Variants in GTF2F2 observed in about 807,000 individuals in gnomAD.
GTF2F2 encodes the protein general transcription factor IIF subunit 2.
Under a neutral mutation model 42.2 loss-of-function variants are expected in GTF2F2, and 23 were observed. The observed-to-expected ratio is 0.55, with a 90% CI of 0.39 to 0.77. GTF2F2 has a LOEUF of 0.77. GTF2F2 is among the 30% of genes least tolerant of loss of function. The pLI is 0.00. For missense variants in GTF2F2, 261 were observed against 287.2 expected (o/e 0.91, Z 0.66); for synonymous variants, 105 against 100.8 (o/e 1.04, Z -0.25).
chr13:45,155,854 T>C (rs936692920), intron 4 of GTF2F2, among the ~76,000 whole-genome samples: 3 of 152,250 alleles, frequency 2.0e-5, no homozygotes, highest in African/African-American at 7.2e-5. Context: ...TACATTTCCC[T>C]GCCTTGGGTC....
chr13:45,234,513 GA>G (rs1399939505), intron 5 of GTF2F2, among the ~76,000 whole-genome samples: 1 of 151,908 alleles, frequency 6.6e-6, no homozygotes, highest in African/African-American at 2.4e-5. Flanking sequence ...GTATATTTAG[GA>G]AAAAAACTGG....
intron 5 of GTF2F2, among the ~76,000 whole-genome samples, chr13:45,244,777 T>C (rs1875502373): frequency 6.6e-6 from 1 of 152,202 alleles, no homozygotes; most frequent in Admixed American, 6.5e-5. Context: ...TTCAAGCGAT[T>C]CTCCTGCCTC....
chr13:45,276,532 G>A (rs941210694), intron 7 of GTF2F2, among the ~76,000 whole-genome samples: 1 of 151,918 alleles, frequency 6.6e-6, no homozygotes. Context: ...TGCCTCCCGA[G>A]TTCAAGTGAT....
chr13:45,150,857 T>A (rs961396152), intron 3 of GTF2F2, among the ~76,000 whole-genome samples: 1 of 152,062 alleles, frequency 6.6e-6, no homozygotes, highest in Non-Finnish European at 1.5e-5. Flanking sequence ...AAAAATAATC[T>A]TACTCCTGTT....
intron 4 of GTF2F2, among the ~76,000 whole-genome samples, chr13:45,205,467 A>G (rs1873375290): frequency 6.6e-6 from 1 of 152,230 alleles, no homozygotes; most frequent in Admixed American, 6.5e-5. Flanking sequence ...TGCAACATTA[A>G]TAAACGTGGA....
At chr13:45,235,620 C>T (rs1013472714) in intron 5 of GTF2F2, among the ~76,000 whole-genome samples, 12 of 151,622 alleles carry the variant, frequency 7.9e-5, no homozygotes, top group African/African-American at 9.7e-5. Flanking sequence ...GATAGAGTCC[C>T]GCTGTGTTGC....
intron 5 of GTF2F2, among the ~76,000 whole-genome samples, chr13:45,234,899 G>A (rs9595271): frequency 6.6e-6 from 1 of 151,920 alleles, no homozygotes. Flanking sequence ...TACAAAGTTA[G>A]CCGGGCATGG....
At chr13:45,276,844 G>T (rs553851079) in intron 7 of GTF2F2, among the ~76,000 whole-genome samples, 2 of 152,222 alleles carry the variant, frequency 1.3e-5, no homozygotes, top group Non-Finnish European at 2.9e-5. Context: ...GCATTTGTCA[G>T]TGCTGGATAG....
intron 1 of GTF2F2, among the ~76,000 whole-genome samples, chr13:45,132,149 T>C (rs983918544): frequency 1.3e-5 from 2 of 152,218 alleles, no homozygotes; most frequent in Admixed American, 6.5e-5. Context: ...TCTATTGGTA[T>C]ATAACCTATT....
At chr13:45,150,673 T>TTTTTTTTTTTC (rs1870444503) in intron 3 of GTF2F2, among the ~76,000 whole-genome samples, 1 of 148,626 alleles carries the variant, frequency 6.7e-6, no homozygotes, top group African/African-American at 2.5e-5. Context: ...TCTTTTTTTT[T>TTTTTTTTTTTC]TTTTGAGATG....
At chr13:45,123,791 ATTTTT>A (rs201828514) in intron 1 of GTF2F2, among the ~76,000 whole-genome samples, 1 of 136,054 alleles carries the variant, frequency 7.4e-6, no homozygotes, top group Admixed American at 7.4e-5. Flanking sequence ...GGAATTTTGA[ATTTTT>A]TTTTTTTTTT....
intron 5 of GTF2F2, among the ~76,000 whole-genome samples, chr13:45,216,411 T>A (rs1172009151): frequency 1.3e-5 from 2 of 152,184 alleles, no homozygotes; most frequent in Non-Finnish European, 2.9e-5. Context: ...CTCTTCTGCC[T>A]GGTCTCTTGT....
chr13:45,189,867 A>G (rs2138166689), intron 4 of GTF2F2, among the ~76,000 whole-genome samples: 1 of 152,262 alleles, frequency 6.6e-6, no homozygotes, highest in South Asian at 2.1e-4. Context: ...TATACTTTAA[A>G]AATGGTATTT....
intron 4 of GTF2F2, among the ~76,000 whole-genome samples, chr13:45,172,784 C>T (rs904207276): frequency 6.6e-6 from 1 of 152,176 alleles, no homozygotes; most frequent in Non-Finnish European, 1.5e-5. Flanking sequence ...ACTCTCAGTT[C>T]TATTCCATTG....
In GTF2F2 at chr13:45,137,466, C is replaced by T. The variant is rs151323849; in HGVS notation, c.140+660C>T. On this transcript the variant is annotated intron_variant, in intron 2 of 7. Transcript: ENST00000340473. ...AATTAGCTTTTGCTTCATAACAAAC[C>T]ATCCCAAAACTTAGTGGCTTAGAAC... Among the ~76,000 whole-genome samples, 28 of 151,916 alleles carry T rather than the reference C, an allele frequency of 1.8e-4. No homozygotes were observed. In the East Asian group the frequency reaches 4.8e-3, roughly 26 times the overall value.
At chr13:45,188,823 T>G (rs1872523923) in intron 4 of GTF2F2, among the ~76,000 whole-genome samples, 1 of 152,232 alleles carries the variant, frequency 6.6e-6, no homozygotes, top group Admixed American at 6.5e-5. Flanking sequence ...TAACCTATTT[T>G]TCACCAAACT....
intron 4 of GTF2F2, among the ~76,000 whole-genome samples, chr13:45,171,202 T>A (rs1319599099): frequency 6.7e-6 from 1 of 150,102 alleles, no homozygotes; most frequent in Non-Finnish European, 1.5e-5. Flanking sequence ...CTCAACCTCC[T>A]GAGTAGCTGG....
chr13:45,228,669 CTTT>C (rs57570023), intron 5 of GTF2F2, among the ~76,000 whole-genome samples: 39 of 108,278 alleles, frequency 3.6e-4, no homozygotes, highest in African/African-American at 1.3e-3. Context: ...CAGAGTTAAT[CTTT>C]TTTTTTTTTT....
intron 1 of GTF2F2, among the ~76,000 whole-genome samples, chr13:45,124,827 G>C (rs1201098026): frequency 1.3e-5 from 2 of 152,014 alleles, no homozygotes. Flanking sequence ...GCCTCCCAAA[G>C]TGCTGGGATT....
Sources: allele counts gnomAD v4.1 joint callset (sites outside exome capture counted in the v4.1 genomes callset), GRCh38; gene constraint gnomAD v4.1.1; transcripts MANE v1.5; gene names NCBI Gene and HGNC (gene_info 2026-07-23, HGNC 2026-07-21).